The following JAZF1 variants were observed in gnomAD, a reference collection of about 807,000 sequenced individuals.
The protein encoded by JAZF1 is JAZF zinc finger 1.
JAZF1 carries 8 observed loss-of-function variants against 26.4 expected under a neutral mutation model. The ratio of observed to expected loss-of-function variants is 0.30; its 90% CI spans 0.18 to 0.55. The LOEUF is 0.55. Ranked by LOEUF, JAZF1 falls within the 20% of genes least tolerant of loss-of-function variation. JAZF1 has a pLI of 0.94. For synonymous variants in JAZF1, 126 were observed against 122.3 expected, an observed-to-expected ratio of 1.03 and a Z score of -0.20; for missense variants, 199 against 322.0, an observed-to-expected ratio of 0.62 and a Z score of 2.92.
At chr7:28,094,421 C>T (rs542783439) in intron 1 of JAZF1, among the ~76,000 whole-genome samples, 17 of 152,284 alleles carry the variant, frequency 1.1e-4, no homozygotes, top group African/African-American at 3.9e-4. Flanking sequence ...GCCCCGGCAC[C>T]GAGTCTCCAG....
At chr7:27,834,858 T>G (rs373785294) in intron 4 of JAZF1, among the ~76,000 whole-genome samples, 9 of 152,154 alleles carry the variant, frequency 5.9e-5, no homozygotes, top group Admixed American at 1.3e-4. Flanking sequence ...AAAAGATAAT[T>G]GTTTTAAGCC....
intron 2 of JAZF1, among the ~76,000 whole-genome samples, chr7:27,985,047 A>G (rs1785671074): frequency 6.6e-6 from 1 of 152,248 alleles, no homozygotes; most frequent in Non-Finnish European, 1.5e-5. Flanking sequence ...AAAGAACTAG[A>G]GAAGCAAGAG....
chr7:28,142,969 G>C (rs115260550), intron 1 of JAZF1, among the ~76,000 whole-genome samples: 4 of 152,198 alleles, frequency 2.6e-5, no homozygotes, highest in South Asian at 2.1e-4. Flanking sequence ...AGCAGAAAGA[G>C]CATTGTACTG....
At chr7:28,112,197 A>AT (rs1784672178) in intron 1 of JAZF1, among the ~76,000 whole-genome samples, 2 of 152,230 alleles carry the variant, frequency 1.3e-5, no homozygotes, top group Non-Finnish European at 2.9e-5. Context: ...AAGAAACCTT[A>AT]GTGGCCTCCA....
At chr7:27,961,418 T>C (rs2128357270) in intron 2 of JAZF1, among the ~76,000 whole-genome samples, 1 of 152,368 alleles carries the variant, frequency 6.6e-6, no homozygotes, top group East Asian at 1.9e-4. Context: ...TTCCGACTGC[T>C]GCCCAAGGCT....
intron 3 of JAZF1, among the ~76,000 whole-genome samples, chr7:27,859,827 C>T (rs1315779589): frequency 6.6e-6 from 1 of 152,062 alleles, no homozygotes; most frequent in Non-Finnish European, 1.5e-5. Context: ...ATGTAACAAA[C>T]CTGCACGTTC....
At chr7:28,091,801 A>G (rs1223372867) in intron 1 of JAZF1, among the ~76,000 whole-genome samples, 1 of 151,882 alleles carries the variant, frequency 6.6e-6, no homozygotes, top group Non-Finnish European at 1.5e-5. Flanking sequence ...GTATGGCCCA[A>G]CTGGAAAATA....
At chr7:28,175,514 T>C (rs1783536656) in intron 1 of JAZF1, among the ~76,000 whole-genome samples, 1 of 152,236 alleles carries the variant, frequency 6.6e-6, no homozygotes, top group African/African-American at 2.4e-5. Flanking sequence ...GTGAGATGGA[T>C]GCTGCTACTA....
chr7:28,047,141 C>A (rs1001650310), intron 1 of JAZF1, among the ~76,000 whole-genome samples: 1 of 152,086 alleles, frequency 6.6e-6, no homozygotes, highest in African/African-American at 2.4e-5. Context: ...CCAGTTGACT[C>A]AACACTATAT....
chr7:28,179,743 G>C (rs1232678852), intron 1 of JAZF1, among the ~76,000 whole-genome samples: 1 of 146,670 alleles, frequency 6.8e-6, no homozygotes, highest in Non-Finnish European at 1.5e-5. Flanking sequence ...CCCCGCCCGG[G>C]CCCCTCGGCC....
intron 1 of JAZF1, among the ~76,000 whole-genome samples, chr7:28,135,057 T>TA: frequency 6.6e-6 from 1 of 152,370 alleles, no homozygotes; most frequent in Non-Finnish European, 1.5e-5. Flanking sequence ...CCCTAAGTGA[T>TA]AACTGGGTGA....
intron 2 of JAZF1, among the ~76,000 whole-genome samples, chr7:27,921,188 A>G (rs1207033467): frequency 3.3e-5 from 5 of 152,222 alleles, no homozygotes; most frequent in Admixed American, 2.6e-4. Flanking sequence ...GAGTCCGGAC[A>G]GAGTCATCTG....
chr7:28,028,300 G>A (rs976478109), intron 1 of JAZF1, among the ~76,000 whole-genome samples: 2 of 152,144 alleles, frequency 1.3e-5, no homozygotes, highest in Non-Finnish European at 2.9e-5. Context: ...GAGTTTAAGG[G>A]GGAGGATTTT....
chr7:28,078,854 G>C (rs895241515), intron 1 of JAZF1, among the ~76,000 whole-genome samples: 1 of 152,146 alleles, frequency 6.6e-6, no homozygotes, highest in African/African-American at 2.4e-5. Flanking sequence ...CATAAAAATT[G>C]TAGGAACAAA....
At chr7:28,113,162 A>T (rs1029686814) in intron 1 of JAZF1, among the ~76,000 whole-genome samples, 1 of 152,190 alleles carries the variant, frequency 6.6e-6, no homozygotes, top group Admixed American at 6.5e-5. Context: ...TTGAATCGGT[A>T]TCCTACAAAC....
intron 1 of JAZF1, among the ~76,000 whole-genome samples, chr7:28,097,556 C>G (rs1335980045): frequency 6.6e-6 from 1 of 152,194 alleles, no homozygotes; most frequent in African/African-American, 2.4e-5. Flanking sequence ...AACACAGGTA[C>G]ATTAACTTAA....
At chr7:28,062,016 G>T (rs910026738) in intron 1 of JAZF1, among the ~76,000 whole-genome samples, 7 of 152,184 alleles carry the variant, frequency 4.6e-5, no homozygotes, top group African/African-American at 1.7e-4. Flanking sequence ...CAAAACCACA[G>T]AATTTTTTAC....
At chr7:28,023,458 G>A (rs1308715019) in intron 1 of JAZF1, among the ~76,000 whole-genome samples, 1 of 152,206 alleles carries the variant, frequency 6.6e-6, no homozygotes, top group Non-Finnish European at 1.5e-5. Flanking sequence ...AATAAAAAAG[G>A]TTATCTGAAG....
intron 1 of JAZF1, among the ~76,000 whole-genome samples, chr7:28,085,391 G>A (rs1784198129): frequency 6.6e-6 from 1 of 152,098 alleles, no homozygotes; most frequent in Non-Finnish European, 1.5e-5. Flanking sequence ...AACAAGATGA[G>A]CAATAAGAAA....
Sources: allele counts gnomAD v4.1 joint callset (sites outside exome capture counted in the v4.1 genomes callset), GRCh38; gene constraint gnomAD v4.1.1; transcripts MANE v1.5; gene names NCBI Gene and HGNC (gene_info 2026-07-23, HGNC 2026-07-21).